The following NAB2 variants were observed in gnomAD, a reference collection of about 807,000 sequenced individuals.
NAB2 encodes NGFI-A-binding protein 2.
A neutral mutation model predicts 44.2 loss-of-function variants in NAB2; 9 were observed. That is an observed-to-expected ratio of 0.20 (90% CI 0.12 to 0.36). NAB2 has a LOEUF of 0.36. Among genes scored for constraint, NAB2 ranks in the 10% least tolerant of loss-of-function variants. The pLI, the probability that NAB2 is intolerant of heterozygous loss-of-function variation, is 1.00. For synonymous variants in NAB2, 342 were observed against 291.0 expected, an observed-to-expected ratio of 1.18 and a Z score of -1.78; for missense variants, 514 against 709.0, an observed-to-expected ratio of 0.73 and a Z score of 3.12.
intron 2 of NAB2, 145 bp from the exon 3 acceptor site, chr12:57,092,303 C>G (rs2033208217): frequency 7.9e-7 from 1 of 1,265,344 alleles, no homozygotes; most frequent in Non-Finnish European, 1.1e-6. Context: ...CTTCCCACCT[C>G]AGAAAGCTCC....
Position 57,092,533 on chromosome 12 carries a change from G to A in NAB2, c.1043G>A (p.Arg348His), listed in dbSNP as rs1435572683. The A allele has an allele frequency of 6.8e-6, 11 of 1,614,000 alleles. No homozygotes were observed. Among genetic ancestry groups the A allele is most frequent in the East Asian group, 2.2e-5 (1 of 44,894 alleles). The change falls in exon 3 of 7, where the codon CGC becomes CAC. Residue 348 changes from arginine to histidine, a missense_variant. Coordinates refer to ENST00000300131, the MANE Select transcript of NAB2 (RefSeq NM_005967.4). ...AGAGTGGAGCTCTTCTCTTTGTCCC[G>A]CCAAGTAGCCCGAGAGAGCACCTAC... ...LRRVELFSLS[R>H]QVARESTYLS...
chr12:57,092,567 C>A lies in NAB2; in HGVS notation c.1077C>A (p.Ser359=). 2 of 1,614,130 alleles carry A rather than the reference C, an allele frequency of 1.2e-6. No homozygotes were observed. Among genetic ancestry groups the A allele is most frequent in the South Asian group, 2.2e-5 (2 of 91,080 alleles). Residue 359 remains serine, a synonymous_variant, in exon 3 of 7, where the codon TCC becomes TCA. Transcript: ENST00000300131. ...CCCGAGAGAGCACCTACTTGTCCTC[C>A]TTGAAGGGCTCCAGGTGAGACCCCT... ...QVARESTYLS[S]LKGSRLHPEE...
At chr12:57,092,730 T>G in intron 3 of NAB2, 149 bp downstream of exon 3, 1 of 1,322,966 alleles carries the variant, frequency 7.6e-7, no homozygotes. Context: ...TCAGGTCTGG[T>G]CTCTCCTCCC....
chr12:57,092,563 CCTCCTT>C lies in NAB2; in HGVS notation c.1074_1079del (p.Ser359_Leu360del), dbSNP rs1274760669. The C allele has an allele frequency of 6.2e-7, 1 of 1,614,054 alleles. No individual in the cohort carries two copies. The highest frequency in any genetic ancestry group is 1.7e-5 in the Admixed American group (1 of 59,992). ...GTAGCCCGAGAGAGCACCTACTTGTCCTCCTTGAAGGGCTCCAGGTGAGACCCCTTC... is the reference window on the plus strand; with the variant it reads ...GTAGCCCGAGAGAGCACCTACTTGTCGAAGGGCTCCAGGTGAGACCCCTTC... On this transcript the variant is annotated inframe_deletion, in exon 3 of 7. Coordinates refer to ENST00000300131, the MANE Select transcript of NAB2 (RefSeq NM_005967.4).
chr12:57,091,419 G>C lies in NAB2; in HGVS notation c.378G>C (p.Pro126=), dbSNP rs778061464. ...PVPAVPVSSI[P]LFKISETAGT... Reference sequence around the variant, plus strand: ...CTGCTGTTCCCGTCTCCAGCATCCCGCTCTTCAAGATCTCTGAGACTGCGG... The same window carrying C: ...CTGCTGTTCCCGTCTCCAGCATCCCCCTCTTCAAGATCTCTGAGACTGCGG... The change falls in exon 2 of 7, where the codon CCG becomes CCC. Residue 126 remains proline (P), a synonymous_variant. Coordinates refer to ENST00000300131, the MANE Select transcript of NAB2 (RefSeq NM_005967.4). This position sits in a 1 kb window ranked among gnomAD's most constrained non-coding sequence, Gnocchi z 7.3. 3.1e-6 allele frequency: 5 copies of C among 1,614,176 alleles called. No individual in the cohort carries two copies. The highest frequency in any genetic ancestry group is 4.2e-6 in the Non-Finnish European group (5 of 1,180,038).
intron 2 of NAB2, 102 bp downstream of exon 2, chr12:57,092,100 T>C: frequency 6.8e-7 from 1 of 1,474,276 alleles, no homozygotes; most frequent in South Asian, 1.4e-5. Context: ...CATTATCTCT[T>C]GACCAGGACC....
At chr12:57,094,034 C>T (rs2033267725) in intron 6 of NAB2, among the ~76,000 whole-genome samples, 1 of 150,042 alleles carries the variant, frequency 6.7e-6, no homozygotes, top group African/African-American at 2.4e-5. Flanking sequence ...AGTGGGCAGG[C>T]GGAGGGCCGG....
intron 3 of NAB2, 58 bp downstream of exon 3, chr12:57,092,639 T>C (rs1413837754): frequency 7.5e-6 from 12 of 1,591,050 alleles, no homozygotes; most frequent in African/African-American, 1.3e-5. Flanking sequence ...AGTTAGATCA[T>C]GTCCTAACCT....
chr12:57,089,451 A>AGG, intron 1 of NAB2, 97 bp downstream of exon 1: 2 of 800,552 alleles, frequency 2.5e-6, no homozygotes, highest in Non-Finnish European at 3.6e-6. Context: ...GGACGTGGGG[A>AGG]AGCAGGACGG....
intron 1 of NAB2, 106 bp downstream of exon 1, chr12:57,089,460 G>T: frequency 2.4e-6 from 2 of 826,890 alleles, no homozygotes; most frequent in South Asian, 1.7e-5. Flanking sequence ...GAAGCAGGAC[G>T]GGGGTGGGGG....
In NAB2 at chr12:57,091,864, G is replaced by T. The variant is rs1336292951; in HGVS notation, c.823G>T (p.Ala275Ser). ...CCTGCTAAAGCTGAATAAGAAGCTG[G>T]CACGGAGCGTTGGGCACATCTTTGA... ...TSLLKLNKKLARSVGHIFEMD... is the reference protein window; with the variant it reads ...TSLLKLNKKLSRSVGHIFEMD... Residue 275 changes from alanine (A) to serine (S), a missense_variant, in exon 2 of 7, where the codon GCA becomes TCA. Physicochemically the swap from Ala to Ser is moderately conservative, Grantham distance 99. Around this residue, in one of 5 missense-constraint regions of NAB2, gnomAD observed 177 missense variants for 200.5 expected, o/e 0.88. Transcript: ENST00000300131. The surrounding 1 kb of genome is among the most constrained non-coding windows in gnomAD (Gnocchi z 7.3). 6.2e-7 allele frequency: 1 copy of T among 1,614,196 alleles called. No homozygotes were observed. Among genetic ancestry groups the T allele is most frequent in the South Asian group, 1.1e-5 (1 of 91,088 alleles).
intron 6 of NAB2, 145 bp downstream of exon 6, chr12:57,093,743 C>G: frequency 2.3e-6 from 2 of 883,446 alleles, no homozygotes; most frequent in Non-Finnish European, 1.6e-6. Context: ...GCCAGCCAGG[C>G]CTTGGGGTGC....
Position 57,091,070 on chromosome 12 carries a change from T to C in NAB2, c.84-55T>C, listed in dbSNP as rs2033174736. ...GGGAACAATTGTTAGTGTGGGTTGG[T>C]ACCCAGTAGGGGGACTTGCACCGAC... On this transcript the variant is annotated intron_variant, in intron 1 of 6. Coordinates refer to ENST00000300131, the MANE Select transcript of NAB2 (RefSeq NM_005967.4). This position sits in a 1 kb window ranked among gnomAD's most constrained non-coding sequence, Gnocchi z 7.3. The C allele has an allele frequency of 1.4e-6, 2 of 1,409,468 alleles. No individual in the cohort carries two copies. Among genetic ancestry groups the C allele is most frequent in the Non-Finnish European group, 9.6e-7 (1 of 1,045,220 alleles). The allele number at this position is 1,409,468 out of a possible 1,614,324, so 87.3% of individuals were successfully genotyped here.
rs1352827060 is a variant in NAB2 at position 57,093,081 on chromosome 12, C to T, written c.1162C>T (p.Pro388Ser). ...TCCACAGGTTGGAGAACAGAGTCAC[C>T]CTGAAATCCAGCAGCCTCCCCCAGG... The part of the protein sequence containing the change: ...LKQEVGEQSH[P>S]EIQQPPPGPE... The change falls in exon 5 of 7, where the codon CCT (proline) becomes TCT (serine). Residue 388 changes from proline to serine, a missense_variant. Around this residue, in one of 5 missense-constraint regions of NAB2, gnomAD observed 194 missense variants for 223.9 expected, o/e 0.87. Coordinates refer to ENST00000300131, the MANE Select transcript of NAB2 (RefSeq NM_005967.4). The T allele has an allele frequency of 1.9e-6, 3 of 1,612,712 alleles. No individual in the cohort carries two copies. Among genetic ancestry groups the T allele is most frequent in the Non-Finnish European group, 2.5e-6 (3 of 1,179,106 alleles).
In NAB2 at chr12:57,092,431, C is replaced by A. The variant is rs2033211015; in HGVS notation, c.958-17C>A. On this transcript the variant is annotated splice_polypyrimidine_tract_variant and intron_variant, in intron 2 of 6. Coordinates refer to ENST00000300131, the MANE Select transcript of NAB2 (RefSeq NM_005967.4). ...GAAGTTCGAATTCTGACTCTCCTGG[C>A]TGCCCTCCCTCCACAGCTCACCATC... The A allele has an allele frequency of 1.9e-6, 3 of 1,612,402 alleles. No individual in the cohort carries two copies. The highest frequency in any genetic ancestry group is 1.7e-6 in the Non-Finnish European group (2 of 1,178,770).
chr12:57,092,795 C>CT, intron 3 of NAB2, 122 bp from the exon 4 acceptor site: 5 of 1,412,000 alleles, frequency 3.5e-6, no homozygotes, highest in Non-Finnish European at 5.0e-6. Flanking sequence ...ACTAGAGACT[C>CT]TTTCTCGGCC....
chr12:57,093,624 C>A, intron 6 of NAB2, 26 bp downstream of exon 6: 1 of 1,466,934 alleles, frequency 6.8e-7, no homozygotes, highest in Non-Finnish European at 9.0e-7. Context: ...GTGCTGTCCC[C>A]AAGCACCCCG....
At position 57,092,006 on chromosome 12, in the gene NAB2, C is replaced by T; in HGVS notation, c.957+8C>T. 6.3e-7 allele frequency: 1 copy of T among 1,594,906 alleles called. No individual in the cohort carries two copies. The highest frequency in any genetic ancestry group is 8.6e-7 in the Non-Finnish European group (1 of 1,168,606). On this transcript the variant is annotated splice_region_variant and intron_variant, in intron 2 of 6. Transcript: ENST00000300131. The stretch of plus-strand genomic sequence containing the variant: ...CAGCTCAGCCTGCACGAGGTGAGAA[C>T]CCCCAGGCCTCCTAGGATTGCCCTT...
chr12:57,091,082 G>T lies in NAB2; in HGVS notation c.84-43G>T. 1.4e-6 allele frequency: 2 copies of T among 1,466,460 alleles called. No individual in the cohort carries two copies. Among genetic ancestry groups the T allele is most frequent in the Non-Finnish European group, 1.8e-6 (2 of 1,094,996 alleles). 90.8% of individuals were successfully genotyped at this position (1,466,460 alleles called of 1,614,324 possible). On this transcript the variant is annotated intron_variant, in intron 1 of 6. Coordinates refer to ENST00000300131, the MANE Select transcript of NAB2 (RefSeq NM_005967.4). The surrounding 1 kb of genome is among the most constrained non-coding windows in gnomAD (Gnocchi z 7.3). ...TAGTGTGGGTTGGTACCCAGTAGGG[G>T]GACTTGCACCGACTGCCTCTCTCTT...
Sources: allele counts gnomAD v4.1 joint callset (sites outside exome capture counted in the v4.1 genomes callset), GRCh38; gene constraint gnomAD v4.1.1; regional missense constraint gnomAD v4.1.1; non-coding constraint Gnocchi (gnomAD v3.1); transcripts MANE v1.5; gene names NCBI Gene and HGNC (gene_info 2026-07-23, HGNC 2026-07-21).